The following TEKT5 variants were observed in gnomAD, a reference collection of about 807,000 sequenced individuals.
TEKT5 encodes tektin-5.
Under a neutral mutation model 48.7 loss-of-function variants are expected in TEKT5, and 52 were observed. The ratio of observed to expected loss-of-function variants is 1.07; its 90% CI spans 0.86 to 1.35. TEKT5 has a LOEUF of 1.35. TEKT5 is among the 40% of genes most tolerant of loss of function. TEKT5 has a pLI of 0.00. For synonymous variants in TEKT5, 318 were observed against 267.6 expected (o/e 1.19, Z -1.84); for missense variants, 831 against 641.6 (o/e 1.30, Z -3.19).
In TEKT5 at chr16:10,694,918, C is replaced by G. The variant is rs1899057627; in HGVS notation, c.-45G>C. ...TCGGGCAAAACTCAGCTCAAGGAGC[C>G]AAAGGCATCACCAGGAAAGGTGAAA... On this transcript the variant is annotated 5_prime_UTR_variant, in exon 1 of 7. Transcript: ENST00000283025. 2 of 1,496,756 alleles carry G rather than the reference C, an allele frequency of 1.3e-6. No individual in the cohort carries two copies. Among genetic ancestry groups the G allele is most frequent in the Non-Finnish European group, 1.8e-6 (2 of 1,126,084 alleles). 92.7% of individuals were successfully genotyped at this position (1,496,756 alleles called of 1,614,324 possible).
intron 5 of TEKT5, among the ~76,000 whole-genome samples, chr16:10,674,146 C>T (rs559464532): frequency 1.3e-5 from 2 of 152,166 alleles, no homozygotes; most frequent in South Asian, 2.1e-4. Flanking sequence ...TCATCCCGGA[C>T]GCTTCCTTTG....
At chr16:10,666,038 G>C (rs1285326821) in intron 5 of TEKT5, among the ~76,000 whole-genome samples, 1 of 152,186 alleles carries the variant, frequency 6.6e-6, no homozygotes, top group East Asian at 1.9e-4. Flanking sequence ...CGGAGTTTGA[G>C]ACCAGCCTGG....
At chr16:10,693,455 G>A (rs908538161) in intron 1 of TEKT5, among the ~76,000 whole-genome samples, 3 of 152,150 alleles carry the variant, frequency 2.0e-5, no homozygotes, top group East Asian at 3.8e-4. Flanking sequence ...TCTGTGCTTC[G>A]CCCTGTCCTA....
At chr16:10,670,715 A>T (rs2541505) in intron 5 of TEKT5, among the ~76,000 whole-genome samples, 2 of 152,044 alleles carry the variant, frequency 1.3e-5, no homozygotes, top group African/African-American at 4.8e-5. Context: ...GGTGCATTTC[A>T]GATGGGTGCT....
intron 5 of TEKT5, among the ~76,000 whole-genome samples, chr16:10,654,601 A>G (rs1270331110): frequency 6.6e-6 from 1 of 152,158 alleles, no homozygotes; most frequent in African/African-American, 2.4e-5. Flanking sequence ...TCTCTGCTTT[A>G]GCTGGGACAT....
At chr16:10,636,934 A>C (rs953075042) in intron 5 of TEKT5, among the ~76,000 whole-genome samples, 2 of 149,744 alleles carry the variant, frequency 1.3e-5, no homozygotes, top group African/African-American at 5.0e-5. Context: ...CTCCTGCCTC[A>C]GTCTCCCAAG....
intron 3 of TEKT5, among the ~76,000 whole-genome samples, chr16:10,685,358 G>C (rs912491533): frequency 6.6e-6 from 1 of 152,092 alleles, no homozygotes; most frequent in African/African-American, 2.4e-5. Context: ...GGAGTGCAGT[G>C]GCACGATCTT....
intron 5 of TEKT5, among the ~76,000 whole-genome samples, chr16:10,662,997 AC>A (rs1898400027): frequency 6.6e-6 from 1 of 151,660 alleles, no homozygotes; most frequent in African/African-American, 2.4e-5. Flanking sequence ...ACCCACTCTC[AC>A]CCCCTGCAGA....
At chr16:10,665,293 C>G (rs1429092522) in intron 5 of TEKT5, among the ~76,000 whole-genome samples, 3 of 152,166 alleles carry the variant, frequency 2.0e-5, no homozygotes, top group African/African-American at 7.2e-5. Context: ...CAGGCTGCAC[C>G]TTATATTCTT....
chr16:10,687,472 G>A (rs555447568), intron 3 of TEKT5, among the ~76,000 whole-genome samples: 12 of 152,346 alleles, frequency 7.9e-5, no homozygotes, highest in African/African-American at 2.4e-4. Flanking sequence ...TAGGCCAGGC[G>A]CAGTGACTCA....
At chr16:10,630,224 G>C (rs367908845) in intron 6 of TEKT5, among the ~76,000 whole-genome samples, 14 of 151,384 alleles carry the variant, frequency 9.2e-5, no homozygotes, top group African/African-American at 2.9e-4. Context: ...ATGAGCCACC[G>C]CACCCAGCTG....
intron 5 of TEKT5, among the ~76,000 whole-genome samples, chr16:10,641,937 C>T (rs925069322): frequency 4.6e-5 from 7 of 152,248 alleles, no homozygotes; most frequent in Admixed American, 3.9e-4. Flanking sequence ...AAAGAACAGT[C>T]GCAGAGAGCG....
At chr16:10,660,857 C>A (rs1004198310) in intron 5 of TEKT5, among the ~76,000 whole-genome samples, 4 of 152,090 alleles carry the variant, frequency 2.6e-5, no homozygotes, top group Non-Finnish European at 4.4e-5. Context: ...CACACCGCCA[C>A]GCACGGCTAA....
intron 5 of TEKT5, 24 bp from the exon 6 acceptor site, chr16:10,635,942 A>G (rs1897906966): frequency 6.2e-7 from 1 of 1,611,002 alleles, no homozygotes; most frequent in Non-Finnish European, 8.5e-7. Flanking sequence ...CACAGGTGTC[A>G]CCACCCACCA....
intron 5 of TEKT5, among the ~76,000 whole-genome samples, chr16:10,640,809 G>A (rs755493998): frequency 3.3e-5 from 5 of 152,132 alleles, no homozygotes; most frequent in East Asian, 1.9e-4. Context: ...GTGTATCAAT[G>A]ATCTGTTTCA....
intron 5 of TEKT5, among the ~76,000 whole-genome samples, chr16:10,666,464 G>A (rs1345017141): frequency 6.6e-6 from 1 of 152,232 alleles, no homozygotes; most frequent in East Asian, 1.9e-4. Context: ...AGTATCCCTG[G>A]CCTCTGCCCA....
In TEKT5 at chr16:10,689,938, T is replaced by C; in HGVS notation, c.648+4A>G. The C allele has an allele frequency of 6.2e-7, 1 of 1,614,016 alleles. No individual in the cohort carries two copies. The highest frequency in any genetic ancestry group is 8.5e-7 in the Non-Finnish European group (1 of 1,179,994). Reference sequence around the variant, plus strand: ...GGGCTGGGCAGAACCAGGAGATGCCTTACCCGGATAAGGTTTTTCTCCACG... The same window carrying C: ...GGGCTGGGCAGAACCAGGAGATGCCCTACCCGGATAAGGTTTTTCTCCACG... On this transcript the variant is annotated splice_donor_region_variant and intron_variant, in intron 2 of 6. Transcript: ENST00000283025.
At chr16:10,694,255 A>G in intron 1 of TEKT5, 55 bp downstream of exon 1, 4 of 1,494,282 alleles carry the variant, frequency 2.7e-6, no homozygotes, top group Non-Finnish European at 3.6e-6. Flanking sequence ...AAGCAGAATG[A>G]GCGTGCAGTA....
intron 5 of TEKT5, among the ~76,000 whole-genome samples, chr16:10,671,535 C>G (rs1394034933): frequency 6.6e-6 from 1 of 152,188 alleles, no homozygotes; most frequent in Non-Finnish European, 1.5e-5. Context: ...TAACCAGTCA[C>G]AGGAGGACAA....
Sources: gnomAD v4.1 joint callset for allele counts (sites outside exome capture counted in the v4.1 genomes callset) on GRCh38, gnomAD v4.1.1 for gene constraint, MANE v1.5 for transcripts, NCBI Gene and HGNC (gene_info 2026-07-23, HGNC 2026-07-21) for gene names.